Variants in KCNN2 observed in about 807,000 individuals in gnomAD.
The protein encoded by KCNN2 is potassium calcium-activated channel subfamily N member 2.
Under a neutral mutation model 55.5 loss-of-function variants are expected in KCNN2, and 24 were observed. The observed-to-expected ratio is 0.43, with a 90% CI of 0.31 to 0.61. The LOEUF is 0.61. KCNN2 is among the 20% of genes least tolerant of loss of function. The pLI, the probability that KCNN2 is intolerant of heterozygous loss-of-function variation, is 0.08. For synonymous variants in KCNN2, 431 were observed against 336.1 expected (o/e 1.28, Z -3.09); for missense variants, 754 against 853.6 (o/e 0.88, Z 1.45).
At chr5:114,418,903 A>G (rs1311292108) in intron 3 of KCNN2, among the ~76,000 whole-genome samples, 2 of 152,234 alleles carry the variant, frequency 1.3e-5, no homozygotes, top group Admixed American at 6.5e-5. Context: ...GGGGAAAAAA[A>G]GGATCATGAG....
At chr5:114,351,888 A>T (rs1757209000) in intron 2 of KCNN2, among the ~76,000 whole-genome samples, 1 of 151,732 alleles carries the variant, frequency 6.6e-6, no homozygotes, top group South Asian at 2.1e-4. Flanking sequence ...CTATATACAT[A>T]AATGTAGTTT....
At chr5:114,421,365 A>G (rs954866199) in intron 3 of KCNN2, among the ~76,000 whole-genome samples, 7 of 152,232 alleles carry the variant, frequency 4.6e-5, no homozygotes, top group African/African-American at 1.7e-4. Flanking sequence ...ATCCCAGCTC[A>G]CTGCAACCAC....
chr5:114,266,371 G>A (rs1004011696), intron 2 of KCNN2, among the ~76,000 whole-genome samples: 6 of 152,092 alleles, frequency 3.9e-5, no homozygotes, highest in Non-Finnish European at 7.3e-5. Flanking sequence ...AGTTACTGAG[G>A]GTTTGGGAGA....
chr5:114,101,783 G>A (rs981363883), intron 1 of KCNN2, among the ~76,000 whole-genome samples: 44 of 151,976 alleles, frequency 2.9e-4, no homozygotes, highest in African/African-American at 1.0e-3. Flanking sequence ...TTATGGCTGC[G>A]TAGTTTTCCG....
chr5:114,106,432 C>T (rs555117244), intron 1 of KCNN2, among the ~76,000 whole-genome samples: 1 of 151,646 alleles, frequency 6.6e-6, no homozygotes, highest in South Asian at 2.1e-4. Flanking sequence ...AAGGGTTTTC[C>T]AAAGTGGTTA....
chr5:114,348,215 G>A (rs1179032382), intron 2 of KCNN2, among the ~76,000 whole-genome samples: 1 of 146,500 alleles, frequency 6.8e-6, no homozygotes, highest in Non-Finnish European at 1.5e-5. Context: ...AGATACCAAA[G>A]GGTGATAGGA....
intron 3 of KCNN2, among the ~76,000 whole-genome samples, chr5:114,408,704 T>G (rs1561612885): frequency 6.6e-6 from 1 of 152,262 alleles, no homozygotes; most frequent in East Asian, 1.9e-4. Flanking sequence ...CCATGGGTGG[T>G]CTCTAGTGCA....
At chr5:114,449,086 G>A (rs1428100970) in intron 3 of KCNN2, among the ~76,000 whole-genome samples, 15 of 152,142 alleles carry the variant, frequency 9.9e-5, no homozygotes, top group Non-Finnish European at 1.8e-4. Flanking sequence ...CAGAACGATC[G>A]TGAGCTTTCT....
chr5:114,328,522 C>T (rs1296718777), intron 2 of KCNN2, among the ~76,000 whole-genome samples: 1 of 152,174 alleles, frequency 6.6e-6, no homozygotes, highest in Admixed American at 6.5e-5. Context: ...TCCCTTGTTA[C>T]AGTACACATG....
At chr5:114,326,318 T>C (rs1409491098) in intron 2 of KCNN2, among the ~76,000 whole-genome samples, 1 of 152,006 alleles carries the variant, frequency 6.6e-6, no homozygotes, top group East Asian at 1.9e-4. Context: ...ACATGGACAA[T>C]GGGGCAGAAG....
At chr5:114,456,658 C>G (rs1760940431) in intron 3 of KCNN2, among the ~76,000 whole-genome samples, 1 of 152,096 alleles carries the variant, frequency 6.6e-6, no homozygotes. Context: ...ATTCTACATG[C>G]CATTAAGAAC....
At chr5:114,189,174 A>G (rs530055744) in intron 1 of KCNN2, among the ~76,000 whole-genome samples, 1 of 141,628 alleles carries the variant, frequency 7.1e-6, no homozygotes, top group Non-Finnish European at 1.6e-5. Context: ...GTGTGTGTAA[A>G]GATTTATTAT....
At chr5:114,415,455 T>C (rs753120635) in intron 3 of KCNN2, among the ~76,000 whole-genome samples, 12 of 152,230 alleles carry the variant, frequency 7.9e-5, no homozygotes, top group Non-Finnish European at 1.6e-4. Context: ...TATTGTCATA[T>C]CTGGATATGG....
intron 1 of KCNN2, among the ~76,000 whole-genome samples, chr5:114,151,985 A>T (rs187765052): frequency 8.2e-4 from 125 of 152,308 alleles, no homozygotes; most frequent in African/African-American, 2.9e-3. Context: ...TGCCAGATAT[A>T]TTATATTGTG....
intron 1 of KCNN2, among the ~76,000 whole-genome samples, chr5:114,090,555 C>T (rs1038472751): frequency 7.6e-6 from 1 of 131,812 alleles, no homozygotes; most frequent in African/African-American, 2.6e-5. Flanking sequence ...TCCTCTCTCT[C>T]TCTCTCTATA....
At chr5:114,118,565 T>C (rs1482806579) in intron 1 of KCNN2, among the ~76,000 whole-genome samples, 1 of 151,864 alleles carries the variant, frequency 6.6e-6, no homozygotes, top group Non-Finnish European at 1.5e-5. Context: ...ACAGATGCCT[T>C]CTTCCTCTGG....
intron 2 of KCNN2, among the ~76,000 whole-genome samples, chr5:114,292,195 A>G (rs990398792): frequency 6.6e-6 from 1 of 152,174 alleles, no homozygotes; most frequent in Non-Finnish European, 1.5e-5. Flanking sequence ...CTTTAGTTTA[A>G]TTAGATCCCA....
chr5:114,453,309 A>G (rs1259312095), intron 3 of KCNN2, among the ~76,000 whole-genome samples: 2 of 152,208 alleles, frequency 1.3e-5, no homozygotes, highest in Non-Finnish European at 2.9e-5. Flanking sequence ...ACAAAACAAG[A>G]GATGCATTGC....
chr5:114,107,264 G>A (rs551416025), intron 1 of KCNN2, among the ~76,000 whole-genome samples: 1 of 151,376 alleles, frequency 6.6e-6, no homozygotes, highest in Non-Finnish European at 1.5e-5. Flanking sequence ...GTCTATTTTT[G>A]AGCCAGTACC....
Sources: gnomAD v4.1 joint callset for allele counts (sites outside exome capture counted in the v4.1 genomes callset) on GRCh38, gnomAD v4.1.1 for gene constraint, MANE v1.5 for transcripts, NCBI Gene and HGNC (gene_info 2026-07-23, HGNC 2026-07-21) for gene names.